PCDHGB1: variants seen among roughly 807,000 people sequenced by gnomAD.
PCDHGB1 encodes protocadherin gamma-B1.
PCDHGB1 carries 34 observed loss-of-function variants against 56.6 expected under a neutral mutation model. The ratio of observed to expected loss-of-function variants is 0.60; its 90% CI spans 0.46 to 0.80. PCDHGB1 has a LOEUF of 0.80. Ranked by LOEUF, PCDHGB1 falls within the 30% of genes least tolerant of loss-of-function variation. PCDHGB1 has a pLI of 0.00. For synonymous variants in PCDHGB1, 561 were observed against 505.9 expected (o/e 1.11, Z -1.46); for missense variants, 1,278 against 1,204.6 (o/e 1.06, Z -0.90).
chr5:141,494,914 A>G (rs906245656), intron 2 of PCDHGB1, 49 bp downstream of exon 2: 5 of 1,613,708 alleles, frequency 3.1e-6, no homozygotes, highest in Admixed American at 1.7e-5. Context: ...GCATTTTCTC[A>G]GGGATGACGT....
intron 1 of PCDHGB1, among the ~76,000 whole-genome samples, chr5:141,454,250 C>T (rs1453631901): frequency 6.6e-6 from 1 of 151,974 alleles, no homozygotes; most frequent in African/African-American, 2.4e-5. Context: ...TGAAGATGTC[C>T]CAGAGAAAGT....
At chr5:141,418,872 T>C (rs1351483025) in intron 1 of PCDHGB1, 11 of 1,613,996 alleles carry the variant, frequency 6.8e-6, no homozygotes, top group East Asian at 2.2e-5. Context: ...GTAGAAGTTG[T>C]AGACGAAAAC....
chr5:141,414,289 C>T (rs1435700383), intron 1 of PCDHGB1: 1 of 1,613,394 alleles, frequency 6.2e-7, no homozygotes, highest in African/African-American at 1.3e-5. Flanking sequence ...AGTCGTAGCC[C>T]TTTTAAATGT....
chr5:141,359,281 T>A (rs1761165080), intron 1 of PCDHGB1, among the ~76,000 whole-genome samples: 1 of 152,142 alleles, frequency 6.6e-6, no homozygotes, highest in Non-Finnish European at 1.5e-5. Context: ...GCTCAATTGG[T>A]CTGAAACTGT....
At chr5:141,408,712 T>C in intron 1 of PCDHGB1, 2 of 1,612,332 alleles carry the variant, frequency 1.2e-6, no homozygotes, top group Non-Finnish European at 1.7e-6. Flanking sequence ...TTAAAGATTA[T>C]AAGATAAACT....
At position 141,487,570 on chromosome 5, in the gene PCDHGB1, T is replaced by A; in HGVS notation, c.2410-7237T>A. 6.2e-7 allele frequency: 1 copy of A among 1,614,178 alleles called. No homozygotes were observed. On this transcript the variant is annotated intron_variant, in intron 1 of 3. Transcript: ENST00000523390. The surrounding 1 kb of genome is among the most constrained non-coding windows in gnomAD (Gnocchi z 5.0). ...CCAGTGCACCTATGGCAGGGGAGCCTGTTCGCCCAAGCTGCCCACCCTCTG... is the reference window on the plus strand; with the variant it reads ...CCAGTGCACCTATGGCAGGGGAGCCAGTTCGCCCAAGCTGCCCACCCTCTG...
chr5:141,423,868 T>G (rs2154550529), intron 1 of PCDHGB1: 1 of 1,283,788 alleles, frequency 7.8e-7, no homozygotes, highest in East Asian at 3.1e-5. Flanking sequence ...GTGAAAGTCA[T>G]TTTTCAATCT....
At chr5:141,471,504 G>A (rs1487198851) in intron 1 of PCDHGB1, 1 of 152,214 alleles carries the variant, frequency 6.6e-6, no homozygotes, top group Non-Finnish European at 1.5e-5. Flanking sequence ...ATGCAAGAGA[G>A]GGAGTAAAAA....
intron 1 of PCDHGB1, chr5:141,430,923 A>C (rs2097325574): frequency 6.2e-7 from 1 of 1,607,168 alleles, no homozygotes; most frequent in African/African-American, 1.3e-5. Context: ...CTGGGGCTGG[A>C]GCCCCGGGAG....
chr5:141,453,524 C>T (rs1351750021), intron 1 of PCDHGB1, among the ~76,000 whole-genome samples: 1 of 152,060 alleles, frequency 6.6e-6, no homozygotes, highest in Non-Finnish European at 1.5e-5. Flanking sequence ...TCCCCTATAC[C>T]TTCTGCCTCA....
chr5:141,400,465 T>G (rs769092002), intron 1 of PCDHGB1: 2 of 1,614,060 alleles, frequency 1.2e-6, no homozygotes, highest in Admixed American at 1.7e-5. Context: ...TTGTGGTGAT[T>G]CATCTGGGGC....
intron 1 of PCDHGB1, chr5:141,428,334 C>T: frequency 1.6e-6 from 1 of 618,848 alleles, no homozygotes; most frequent in Non-Finnish European, 2.9e-6. Flanking sequence ...TTTCTATGCT[C>T]TTCTTCCTCG....
intron 1 of PCDHGB1, chr5:141,395,360 GT>G: frequency 1.5e-6 from 2 of 1,290,436 alleles, no homozygotes; most frequent in Non-Finnish European, 2.1e-6. Context: ...AGAGTTTTGG[GT>G]TTATTTTGGT....
intron 1 of PCDHGB1, among the ~76,000 whole-genome samples, chr5:141,444,110 A>C (rs1284415694): frequency 6.7e-6 from 1 of 149,880 alleles, no homozygotes; most frequent in Non-Finnish European, 1.5e-5. Flanking sequence ...AACCAAGAAA[A>C]GTGAAGTATC....
intron 1 of PCDHGB1, chr5:141,388,600 C>G (rs1561620181): frequency 6.2e-7 from 1 of 1,613,856 alleles, no homozygotes; most frequent in Non-Finnish European, 8.5e-7. Context: ...AATGATAATG[C>G]TCCAGTGTTC....
chr5:141,488,170 T>C (rs554585709), intron 1 of PCDHGB1, among the ~76,000 whole-genome samples: 2 of 152,318 alleles, frequency 1.3e-5, no homozygotes, highest in African/African-American at 2.4e-5. Context: ...ATCAGAGTGG[T>C]GGCATAGATC....
Position 141,485,436 on chromosome 5 carries a change from A to G in PCDHGB1, c.2410-9371A>G, listed in dbSNP as rs2099613369. On this transcript the variant is annotated intron_variant, in intron 1 of 3. Transcript: ENST00000523390. This position sits in a 1 kb window ranked among gnomAD's most constrained non-coding sequence, Gnocchi z 5.7. ...GACAGCGGAGCCCTGCTCATCAAGA[A>G]CCCAATCGACCGAGAGGCACTGTGT... 1.9e-6 allele frequency: 3 copies of G among 1,614,092 alleles called. No individual in the cohort carries two copies. The highest frequency in any genetic ancestry group is 2.7e-5 in the African/African-American group (2 of 74,934).
Position 141,376,680 on chromosome 5 carries a change from T to TTTTTTTTTGTTTTG in PCDHGB1, c.2409+24019_2409+24020insGTTTTGTTTTTTTT, listed in dbSNP as rs1431701982. ...CCTTGTTCAGGTGAGGGTATCGTTT[T>TTTTTTTTTGTTTTG]TTTTTTTTTTTTTTTTTGAGACGGA... On this transcript the variant is annotated intron_variant, in intron 1 of 3. Transcript: ENST00000523390. The TTTTTTTTTGTTTTG allele has an allele frequency of 6.0e-6, 4 of 666,834 alleles. No individual in the cohort carries two copies. In the African/African-American group the frequency reaches 8.2e-5, roughly 14 times the overall value. The allele number at this position is 666,834 out of a possible 1,614,324, so 41.3% of individuals were successfully genotyped here.
rs2099883697 is a variant in PCDHGB1, at chr5:141,511,284, G to T, written c.*111G>T. On this transcript the variant is annotated 3_prime_UTR_variant, in exon 4 of 4. Coordinates refer to ENST00000523390, the MANE Select transcript of PCDHGB1 (RefSeq NM_018922.3). ...AGGGCTAACCCCCAGAATACTGGTA[G>T]GGGCCAAGGCCATGCTCCCCTTGGG... 6.5e-7 allele frequency: 1 copy of T among 1,528,258 alleles called. No homozygotes were observed. Among genetic ancestry groups the T allele is most frequent in the African/African-American group, 1.4e-5 (1 of 72,674 alleles). 94.7% of individuals were successfully genotyped at this position (1,528,258 alleles called of 1,614,324 possible). A position where few individuals can be genotyped will look rare whatever the true frequency, so the allele number is the denominator to read the frequency against.
Sources: allele counts gnomAD v4.1 joint callset (sites outside exome capture counted in the v4.1 genomes callset), GRCh38; gene constraint gnomAD v4.1.1; non-coding constraint Gnocchi (gnomAD v3.1); transcripts MANE v1.5; gene names NCBI Gene and HGNC (gene_info 2026-07-23, HGNC 2026-07-21).